Variants in CDH13 observed in about 807,000 individuals in gnomAD.
CDH13 encodes cadherin 13.
A neutral mutation model predicts 63.8 loss-of-function variants in CDH13; 24 were observed. The observed-to-expected ratio is 0.38, with a 90% CI of 0.27 to 0.53. CDH13 has a LOEUF of 0.53. Among genes scored for constraint, CDH13 ranks in the 20% least tolerant of loss-of-function variants. The pLI is 0.85. For synonymous variants in CDH13, 503 were observed against 355.3 expected, an observed-to-expected ratio of 1.42 and a Z score of -4.67; for missense variants, 1,049 against 903.1, an observed-to-expected ratio of 1.16 and a Z score of -2.07.
intron 6 of CDH13, among the ~76,000 whole-genome samples, chr16:83,393,216 GC>G (rs1335211728): frequency 6.6e-6 from 1 of 152,146 alleles, no homozygotes; most frequent in African/African-American, 2.4e-5. Context: ...CCATGGAAAT[GC>G]CACCTTTGGG....
Position 82,954,994 on chromosome 16 carries a change from C to T in CDH13, c.158-77016C>T, listed in dbSNP as rs1024905537. ...GTCTTTGCATTGCCAAATAATATTC[C>T]ATTGCCTGGATATATCACATTTGTT... On this transcript the variant is annotated intron_variant, in intron 2 of 13. Transcript: ENST00000567109. 7.9e-5 allele frequency among the ~76,000 whole-genome samples: 12 copies of T among 152,102 alleles called. No individual in the cohort carries two copies. In the East Asian group the frequency reaches 1.5e-3, roughly 20 times the overall value.
intron 1 of CDH13, among the ~76,000 whole-genome samples, chr16:82,686,758 G>T (rs796598147): frequency 2.0e-5 from 3 of 152,166 alleles, no homozygotes; most frequent in Non-Finnish European, 2.9e-5. Flanking sequence ...GAGTGATCAA[G>T]AAGAGCCTTT....
At chr16:83,384,877 G>A (rs758826496) in intron 6 of CDH13, among the ~76,000 whole-genome samples, 9 of 152,176 alleles carry the variant, frequency 5.9e-5, no homozygotes, top group African/African-American at 1.4e-4. Context: ...ATGAGTTGTC[G>A]TGTGTAACAT....
Position 83,602,522 on chromosome 16 carries a change from A to G in CDH13, c.1029A>G (p.Leu343=). ...AQDMAGLDVG[L]TGTATATIMI... Reference sequence around the variant, plus strand: ...ATATGGCTGGACTGGATGTTGGATTAACAGGCACGGCCACAGCCACGATCA... The same window carrying G: ...ATATGGCTGGACTGGATGTTGGATTGACAGGCACGGCCACAGCCACGATCA... The change falls in exon 8 of 14, where the codon TTA becomes TTG. Residue 343 remains leucine (L), a synonymous_variant. Transcript: ENST00000567109. The G allele has an allele frequency of 6.2e-7, 1 of 1,613,960 alleles. No homozygotes were observed. Among genetic ancestry groups the G allele is most frequent in the Non-Finnish European group, 8.5e-7 (1 of 1,179,848 alleles).
intron 5 of CDH13, among the ~76,000 whole-genome samples, chr16:83,239,697 A>G (rs1048042367): frequency 1.2e-4 from 18 of 152,168 alleles, no homozygotes; most frequent in Admixed American, 1.2e-3. Context: ...GGCTAATTCA[A>G]CAGATACCTA....
chr16:82,695,329 A>C lies in CDH13; in HGVS notation c.45+68192A>C, dbSNP rs549497485. ...TATAAATTATTTGAAAGCAAATACC[A>C]ATTTGCTTCTAATTCTGGATCTCTT... On this transcript the variant is annotated intron_variant, in intron 1 of 13. Coordinates refer to ENST00000567109, the MANE Select transcript of CDH13 (RefSeq NM_001257.5). 8.5e-5 allele frequency among the ~76,000 whole-genome samples: 13 copies of C among 152,296 alleles called. No homozygotes were observed. The South Asian group carries it at 2.5e-3, about 29-fold the overall frequency.
Position 83,612,628 on chromosome 16 carries a change from G to GT in CDH13, c.1101+10041dup, listed in dbSNP as rs1043941510. On this transcript the variant is annotated intron_variant, in intron 8 of 13. Coordinates refer to ENST00000567109, the MANE Select transcript of CDH13 (RefSeq NM_001257.5). ...TCTTATCTTTTTCACATTTACTTGG[G>GT]TTTTTTTATAATTTCATATTCAGCT... Among the ~76,000 whole-genome samples, 4 of 151,558 alleles carry GT rather than the reference G, an allele frequency of 2.6e-5. No homozygotes were observed. In the South Asian group the frequency reaches 6.3e-4, roughly 24 times the overall value.
intron 1 of CDH13, among the ~76,000 whole-genome samples, chr16:82,674,299 A>G (rs1913638447): frequency 6.6e-6 from 1 of 152,204 alleles, no homozygotes; most frequent in African/African-American, 2.4e-5. Context: ...GTTTATGAAG[A>G]TCCCTTTCTT....
chr16:82,801,018 G>A (rs2036830029), intron 1 of CDH13, among the ~76,000 whole-genome samples: 1 of 152,178 alleles, frequency 6.6e-6, no homozygotes, highest in African/African-American at 2.4e-5. Context: ...TCTTGTCTGT[G>A]ACCCTTATTG....
intron 5 of CDH13, among the ~76,000 whole-genome samples, chr16:83,282,877 A>T (rs566061790): frequency 4.6e-5 from 7 of 152,298 alleles, no homozygotes; most frequent in African/African-American, 1.7e-4. Context: ...GTGGGTCTCC[A>T]TGGTTGATAG....
intron 2 of CDH13, among the ~76,000 whole-genome samples, chr16:82,912,155 C>G (rs963345226): frequency 1.3e-5 from 2 of 152,066 alleles, no homozygotes; most frequent in Admixed American, 6.6e-5. Flanking sequence ...CCCTTAATCT[C>G]CAGCCCACTC....
rs147816785 is a variant in CDH13, at chr16:82,653,874, C to G, written c.45+26737C>G. 2.6e-3 allele frequency among the ~76,000 whole-genome samples: 391 copies of G among 152,206 alleles called. 2 individuals carry two copies. The highest frequency in any genetic ancestry group is 9.0e-3 in the African/African-American group (375 of 41,526). On this transcript the variant is annotated intron_variant, in intron 1 of 13. Transcript: ENST00000567109. Reference sequence around the variant, plus strand: ...GGAGAAGAAGACTGAAGACCACATTCAAGGCCCTGAGAGAGAAGAGAAGGG... The same window carrying G: ...GGAGAAGAAGACTGAAGACCACATTGAAGGCCCTGAGAGAGAAGAGAAGGG...
In CDH13 at chr16:83,520,261, G is replaced by A. The variant is rs181069738; in HGVS notation, c.960+33606G>A. On this transcript the variant is annotated intron_variant, in intron 7 of 13. Coordinates refer to ENST00000567109, the MANE Select transcript of CDH13 (RefSeq NM_001257.5). Reference sequence around the variant, plus strand: ...CTCTAAGTGGAGCAAAAGAAGCCAAGTGTACAAAAAAGTACATTTTGTATG... The same window carrying A: ...CTCTAAGTGGAGCAAAAGAAGCCAAATGTACAAAAAAGTACATTTTGTATG... Among the ~76,000 whole-genome samples the A allele has an allele frequency of 1.2e-3, 178 of 152,240 alleles. 1 individual carries two copies. Among genetic ancestry groups the A allele is most frequent in the Non-Finnish European group, 4.3e-4 (29 of 67,998 alleles).
At chr16:82,755,997 C>G (rs9927142) in intron 1 of CDH13, among the ~76,000 whole-genome samples, 2 of 152,030 alleles carry the variant, frequency 1.3e-5, no homozygotes, top group Admixed American at 1.3e-4. Context: ...GCAGAGCGTT[C>G]TAGGAGGAGT....
At chr16:83,391,494 G>C (rs539899363) in intron 6 of CDH13, among the ~76,000 whole-genome samples, 5 of 152,076 alleles carry the variant, frequency 3.3e-5, no homozygotes, top group African/African-American at 9.7e-5. Flanking sequence ...ATGAGCCACC[G>C]TGCCAGCCAC....
chr16:83,239,561 G>T (rs1904298826), intron 5 of CDH13, among the ~76,000 whole-genome samples: 1 of 152,160 alleles, frequency 6.6e-6, no homozygotes, highest in African/African-American at 2.4e-5. Flanking sequence ...TAAGATTCTG[G>T]AGTTCACAGC....
intron 2 of CDH13, among the ~76,000 whole-genome samples, chr16:82,921,940 T>A (rs1450660941): frequency 1.3e-5 from 2 of 152,194 alleles, no homozygotes; most frequent in Non-Finnish European, 2.9e-5. Flanking sequence ...ATTATTTGTT[T>A]TTAACTGTTT....
At chr16:83,414,857 T>C (rs967715374) in intron 6 of CDH13, among the ~76,000 whole-genome samples, 1 of 152,190 alleles carries the variant, frequency 6.6e-6, no homozygotes, top group Non-Finnish European at 1.5e-5. Flanking sequence ...GTATTGTGAA[T>C]AGTGCTGCAG....
chr16:83,246,066 G>A (rs1158327746), intron 5 of CDH13, among the ~76,000 whole-genome samples: 1 of 152,178 alleles, frequency 6.6e-6, no homozygotes, highest in Non-Finnish European at 1.5e-5. Context: ...TGACCAGGAT[G>A]TCTTTTGTCC....
Sources: allele counts gnomAD v4.1 joint callset (sites outside exome capture counted in the v4.1 genomes callset), GRCh38; gene constraint gnomAD v4.1.1; transcripts MANE v1.5; gene names NCBI Gene and HGNC (gene_info 2026-07-23, HGNC 2026-07-21).